Variants in CADM2 observed in about 807,000 individuals in gnomAD.
CADM2 encodes the protein immunoglobulin superfamily member 4D.
Under a neutral mutation model 49.8 loss-of-function variants are expected in CADM2, and 12 were observed. That is an observed-to-expected ratio of 0.24 (90% CI 0.15 to 0.39). The LOEUF is 0.39. Ranked by LOEUF, CADM2 falls within the 10% of genes least tolerant of loss-of-function variation. CADM2 has a pLI of 1.00. For missense variants in CADM2, 378 were observed against 492.3 expected (o/e 0.77, Z 2.20); for synonymous variants, 214 against 175.4 (o/e 1.22, Z -1.74).
chr3:85,262,670 T>C (rs1405939861), intron 1 of CADM2, among the ~76,000 whole-genome samples: 1 of 152,118 alleles, frequency 6.6e-6, no homozygotes, highest in Non-Finnish European at 1.5e-5. Flanking sequence ...AAATAACTTA[T>C]CATGAATAAT....
intron 1 of CADM2, among the ~76,000 whole-genome samples, chr3:85,263,411 G>A (rs1210652906): frequency 2.0e-5 from 3 of 152,048 alleles, no homozygotes; most frequent in African/African-American, 4.8e-5. Flanking sequence ...TAAATGTTTC[G>A]TATAGTACCA....
intron 1 of CADM2, among the ~76,000 whole-genome samples, chr3:85,092,833 T>C (rs2037649018): frequency 6.6e-6 from 1 of 152,220 alleles, no homozygotes; most frequent in Non-Finnish European, 1.5e-5. Context: ...GATTTCCTTC[T>C]GCCTTTGAAA....
chr3:85,182,468 G>A (rs1179201951), intron 1 of CADM2, among the ~76,000 whole-genome samples: 2 of 151,998 alleles, frequency 1.3e-5, no homozygotes, highest in Non-Finnish European at 2.9e-5. Flanking sequence ...TCTTGATCGT[G>A]AGAAACATCA....
At chr3:86,055,113 A>G (rs1345817515) in intron 8 of CADM2, among the ~76,000 whole-genome samples, 2 of 152,166 alleles carry the variant, frequency 1.3e-5, no homozygotes, top group Non-Finnish European at 2.9e-5. Context: ...GATAAAAGCA[A>G]CCCCAAACTA....
chr3:85,281,457 T>C, intron 1 of CADM2, among the ~76,000 whole-genome samples: 1 of 152,056 alleles, frequency 6.6e-6, no homozygotes, highest in Non-Finnish European at 1.5e-5. Context: ...TAGAATATTA[T>C]TTCAATTTTT....
intron 1 of CADM2, among the ~76,000 whole-genome samples, chr3:85,501,739 ATATATG>A (rs2040125072): frequency 6.6e-6 from 1 of 152,156 alleles, no homozygotes; most frequent in African/African-American, 2.4e-5. Context: ...GAATATGCAC[ATATATG>A]TATATCTTCG....
chr3:85,596,287 A>T (rs1382719901), intron 1 of CADM2, among the ~76,000 whole-genome samples: 1 of 151,962 alleles, frequency 6.6e-6, no homozygotes, highest in Non-Finnish European at 1.5e-5. Context: ...GAAATTACTA[A>T]TATACAAAAT....
intron 1 of CADM2, among the ~76,000 whole-genome samples, chr3:85,501,038 T>C (rs1276388581): frequency 6.6e-6 from 1 of 152,192 alleles, no homozygotes. Flanking sequence ...TTAAAACCAT[T>C]ACATTTAAAT....
chr3:85,680,715 A>AT (rs2066016144), intron 1 of CADM2, among the ~76,000 whole-genome samples: 1 of 152,206 alleles, frequency 6.6e-6, no homozygotes, highest in African/African-American at 2.4e-5. Flanking sequence ...ATTCAAAAAT[A>AT]TCTCTCTAAT....
At chr3:85,183,542 G>A (rs2107709079) in intron 1 of CADM2, among the ~76,000 whole-genome samples, 1 of 152,196 alleles carries the variant, frequency 6.6e-6, no homozygotes, top group East Asian at 1.9e-4. Flanking sequence ...CTAACCTGCT[G>A]ATTAACCCCA....
At chr3:85,685,615 CTTTTTTTTTTT>C (rs59277971) in intron 1 of CADM2, among the ~76,000 whole-genome samples, 7 of 122,006 alleles carry the variant, frequency 5.7e-5, no homozygotes, top group East Asian at 2.4e-4. Context: ...TTCTTTCTTT[CTTTTTTTTTTT>C]TTTTTTTTTG....
rs1480363978 is a variant in CADM2, at chr3:86,073,604, T to C, written c.*6821T>C. 4 of 152,002 alleles carry C rather than the reference T, an allele frequency of 2.6e-5. No homozygotes were observed. The highest frequency in any genetic ancestry group is 9.6e-5 in the African/African-American group (4 of 41,454). 9.4% of individuals were successfully genotyped at this position (152,002 alleles called of 1,614,324 possible). On this transcript the variant is annotated 3_prime_UTR_variant, in exon 10 of 10. Transcript: ENST00000383699. The stretch of plus-strand genomic sequence containing the variant: ...TCAGTAAAGTCTTGTCAGAAAAAAA[T>C]TGTCTGATAAATATGGAAAAATAAA...
intron 1 of CADM2, among the ~76,000 whole-genome samples, chr3:85,386,269 A>G (rs575695410): frequency 1.3e-5 from 2 of 152,252 alleles, no homozygotes; most frequent in East Asian, 1.9e-4. Flanking sequence ...TTGATAAACC[A>G]TTTATAAATA....
At chr3:84,988,569 A>G (rs2032713702) in intron 1 of CADM2, among the ~76,000 whole-genome samples, 2 of 152,202 alleles carry the variant, frequency 1.3e-5, no homozygotes, top group Admixed American at 6.5e-5. Context: ...ATCACACAAT[A>G]TCATTATACA....
intron 1 of CADM2, among the ~76,000 whole-genome samples, chr3:85,259,411 A>G (rs1400158045): frequency 5.0e-5 from 4 of 79,384 alleles, no homozygotes; most frequent in African/African-American, 3.1e-4. Context: ...TTTAATTTTC[A>G]GAAAACTTTC....
At position 85,660,831 on chromosome 3, in the gene CADM2, C is replaced by T. The variant is rs2065378488; in HGVS notation, c.62-65691C>T. Among the ~76,000 whole-genome samples the T allele has an allele frequency of 2.6e-5, 4 of 151,668 alleles. No homozygotes were observed. In the South Asian group the frequency reaches 8.3e-4, roughly 31 times the overall value. On this transcript the variant is annotated intron_variant, in intron 1 of 9. Transcript: ENST00000383699. ...CAAAGGGAAAACTGACCAGCATGTA[C>T]AGTGCACTTTTTTCCCTCCGTCTTT...
At chr3:85,622,796 C>T (rs539498188) in intron 1 of CADM2, among the ~76,000 whole-genome samples, 4 of 152,234 alleles carry the variant, frequency 2.6e-5, no homozygotes, top group African/African-American at 9.6e-5. Flanking sequence ...GCTATTTCAC[C>T]AGTAATATGT....
chr3:85,538,878 G>C (rs188235957), intron 1 of CADM2, among the ~76,000 whole-genome samples: 1 of 149,880 alleles, frequency 6.7e-6, no homozygotes, highest in African/African-American at 2.4e-5. Context: ...CTATAATATC[G>C]TGAGTTGAAT....
At chr3:85,327,417 G>C (rs959178359) in intron 1 of CADM2, among the ~76,000 whole-genome samples, 2 of 151,660 alleles carry the variant, frequency 1.3e-5, no homozygotes, top group African/African-American at 4.8e-5. Context: ...CACCATGCCA[G>C]GCTAATTTTT....
Sources: gnomAD v4.1 joint callset for allele counts (sites outside exome capture counted in the v4.1 genomes callset) on GRCh38, gnomAD v4.1.1 for gene constraint, MANE v1.5 for transcripts, NCBI Gene and HGNC (gene_info 2026-07-23, HGNC 2026-07-21) for gene names.